SRRM4: variants seen among roughly 807,000 people sequenced by gnomAD.
SRRM4 encodes the protein serine/arginine repetitive matrix protein 4.
A neutral mutation model predicts 68.9 loss-of-function variants in SRRM4; 33 were observed. That is an observed-to-expected ratio of 0.48 (90% confidence interval 0.36 to 0.64). The LOEUF (loss-of-function observed/expected upper bound fraction) is 0.64. Ranked by LOEUF, SRRM4 falls within the 30% of genes least tolerant of loss-of-function variation. The probability of loss-of-function intolerance (pLI) is 0.00; values close to 1 mark genes in which losing one functional copy is unlikely to be tolerated. For missense variants in SRRM4, 817 were observed against 827.1 expected, an observed-to-expected ratio of 0.99 and a Z score of 0.15; for synonymous variants, 318 against 318.8, an observed-to-expected ratio of 1.00 and a Z score of 0.03.
In SRRM4 at chr12:119,019,956, C is replaced by A. The variant is rs527911376; in HGVS notation, c.131+37943C>A. ...CTGGACAGTTCCCCCCGCTCCCCCC[C>A]CCCCCAAAAAAAAATCACACACATG... On this transcript the variant is annotated intron_variant, in intron 1 of 12. Transcript: ENST00000267260. Among the ~76,000 whole-genome samples, 73 of 79,314 alleles carry A rather than the reference C, an allele frequency of 9.2e-4. 3 individuals carry two copies. The South Asian group carries it at 0.024, about 26-fold the overall frequency. The allele number at this position is 79,314 out of a possible 152,430, so 52.0% of individuals were successfully genotyped here. A position where few individuals can be genotyped will look rare whatever the true frequency, so the allele number is the denominator to read the frequency against.
intron 1 of SRRM4, among the ~76,000 whole-genome samples, chr12:119,094,961 T>A (rs1461013513): frequency 6.6e-6 from 1 of 152,272 alleles, no homozygotes; most frequent in Admixed American, 6.5e-5. Context: ...TTTCATTTTT[T>A]ATTCAATTTC....
At chr12:119,109,578 T>A (rs1954129779) in intron 2 of SRRM4, among the ~76,000 whole-genome samples, 1 of 152,242 alleles carries the variant, frequency 6.6e-6, no homozygotes, top group Admixed American at 6.5e-5. Flanking sequence ...TGATCTTCAA[T>A]CACTGATACC....
At chr12:119,128,032 G>T (rs1200167081) in intron 7 of SRRM4, among the ~76,000 whole-genome samples, 1 of 152,196 alleles carries the variant, frequency 6.6e-6, no homozygotes, top group East Asian at 1.9e-4. Flanking sequence ...CCAGAACAGT[G>T]AGATTTTTAA....
At chr12:119,054,229 T>C (rs1162351356) in intron 1 of SRRM4, among the ~76,000 whole-genome samples, 3 of 152,260 alleles carry the variant, frequency 2.0e-5, no homozygotes, top group Admixed American at 2.0e-4. Context: ...ATTCTTTTTA[T>C]GGCTTAATAG....
chr12:119,029,767 C>T (rs1241356815), intron 1 of SRRM4, among the ~76,000 whole-genome samples: 1 of 152,162 alleles, frequency 6.6e-6, no homozygotes, highest in Non-Finnish European at 1.5e-5. Flanking sequence ...GCCGAATATG[C>T]CAAAATCACA....
At position 119,159,883 on chromosome 12, in the gene SRRM4, A is replaced by G. The variant is rs200976821; in HGVS notation, c.*3085A>G. 1 of 84,338 alleles carries G rather than the reference A, an allele frequency of 1.2e-5. No individual in the cohort carries two copies. Among genetic ancestry groups the G allele is most frequent in the Non-Finnish European group, 2.3e-5 (1 of 43,774 alleles). 5.2% of individuals were successfully genotyped at this position (84,338 alleles called of 1,614,324 possible). On this transcript the variant is annotated 3_prime_UTR_variant, in exon 13 of 13. Coordinates refer to ENST00000267260, the MANE Select transcript of SRRM4 (RefSeq NM_194286.4). ...GCACAAAGCTATTTCTGAAATTAGG[A>G]AAAAAAAAAAAAAGGTGGAAGGAGC...
chr12:118,982,671 T>TTG (rs1953255926), intron 1 of SRRM4, among the ~76,000 whole-genome samples: 3 of 77,784 alleles, frequency 3.9e-5, no homozygotes, highest in South Asian at 3.6e-4. Flanking sequence ...TTTATTTTGT[T>TTG]TTTTTTTGTT....
At chr12:119,116,902 C>G (rs775051235) in intron 3 of SRRM4, 35 bp from the exon 4 acceptor site, 9 of 1,605,412 alleles carry the variant, frequency 5.6e-6, no homozygotes, top group Non-Finnish European at 7.7e-6. Flanking sequence ...CCTTTAAGAG[C>G]CTCCTTCTGA....
chr12:119,113,675 C>T (rs1399362514), intron 2 of SRRM4, among the ~76,000 whole-genome samples: 2 of 152,158 alleles, frequency 1.3e-5, no homozygotes, highest in South Asian at 2.1e-4. Context: ...ATCCCTGGAG[C>T]CTGCCCCAAT....
chr12:118,994,385 C>G (rs887100778), intron 1 of SRRM4, among the ~76,000 whole-genome samples: 1 of 152,130 alleles, frequency 6.6e-6, no homozygotes, highest in Non-Finnish European at 1.5e-5. Context: ...AAAGCTCAGG[C>G]TGAGGCTTCC....
chr12:119,092,310 TC>T (rs1954018655), intron 1 of SRRM4, among the ~76,000 whole-genome samples: 1 of 152,134 alleles, frequency 6.6e-6, no homozygotes, highest in African/African-American at 2.4e-5. Flanking sequence ...CAAACGCATT[TC>T]CCTAGCTCTG....
chr12:119,119,642 G>A (rs1199970773), intron 4 of SRRM4, among the ~76,000 whole-genome samples: 6 of 152,078 alleles, frequency 3.9e-5, no homozygotes, highest in African/African-American at 1.4e-4. Context: ...TACTCCACAG[G>A]GCTTGGGGAA....
intron 1 of SRRM4, among the ~76,000 whole-genome samples, chr12:119,054,008 C>T (rs1329875730): frequency 1.3e-5 from 2 of 152,086 alleles, no homozygotes; most frequent in Non-Finnish European, 2.9e-5. Flanking sequence ...ACCCATAAAC[C>T]ATCCGCACCT....
intron 6 of SRRM4, 77 bp downstream of exon 6, chr12:119,122,197 A>C: frequency 1.0e-6 from 1 of 987,340 alleles, no homozygotes; most frequent in Non-Finnish European, 1.6e-6. Flanking sequence ...CCAGAGTCTT[A>C]GAGTTGCCAA....
intron 1 of SRRM4, among the ~76,000 whole-genome samples, chr12:119,095,961 A>C (rs1419504854): frequency 5.9e-5 from 1 of 17,026 alleles, no homozygotes; most frequent in South Asian, 2.0e-3. Context: ...CTCAGTCTCA[A>C]AAAAAAAAAA....
intron 2 of SRRM4, among the ~76,000 whole-genome samples, chr12:119,107,145 T>A (rs1219970841): frequency 1.3e-5 from 2 of 152,246 alleles, no homozygotes; most frequent in East Asian, 3.8e-4. Flanking sequence ...CAGCCTTGCA[T>A]CCCAGGGATG....
chr12:119,116,848 C>A, intron 3 of SRRM4, 89 bp from the exon 4 acceptor site: 1 of 1,048,056 alleles, frequency 9.5e-7, no homozygotes. Context: ...GAGCTAAAAC[C>A]CTGTATAAGG....
intron 1 of SRRM4, among the ~76,000 whole-genome samples, chr12:119,073,975 C>A (rs1303958698): frequency 6.6e-6 from 1 of 152,120 alleles, no homozygotes; most frequent in East Asian, 1.9e-4. Flanking sequence ...TAATACCTAC[C>A]TGAAAGGGTT....
At chr12:119,120,174 TCTCTCTCTCC>T (rs1954210199) in intron 4 of SRRM4, 66 bp from the exon 5 acceptor site, 1 of 984,004 alleles carries the variant, frequency 1.0e-6, no homozygotes, top group Admixed American at 2.1e-5. Context: ...TCTCCATCTC[TCTCTCTCTCC>T]CTCTCTTTCT....
Sources: gnomAD v4.1 joint callset for allele counts (sites outside exome capture counted in the v4.1 genomes callset) on GRCh38, gnomAD v4.1.1 for gene constraint, MANE v1.5 for transcripts, NCBI Gene and HGNC (gene_info 2026-07-23, HGNC 2026-07-21) for gene names.